CHRM5: variants seen among roughly 807,000 people sequenced by gnomAD.
CHRM5 encodes the protein muscarinic acetylcholine receptor M5.
A neutral mutation model predicts 39.0 loss-of-function variants in CHRM5; 18 were observed. The ratio of observed to expected loss-of-function variants is 0.46; its 90% CI spans 0.32 to 0.68. The LOEUF is 0.68. Ranked by LOEUF, CHRM5 falls within the 30% of genes least tolerant of loss-of-function variation. The pLI is 0.04. For synonymous variants in CHRM5, 241 were observed against 246.3 expected (o/e 0.98, Z 0.20); for missense variants, 515 against 651.1 (o/e 0.79, Z 2.28).
intron 1 of CHRM5, among the ~76,000 whole-genome samples, chr15:33,981,736 T>G (rs1896153522): frequency 6.6e-6 from 1 of 152,220 alleles, no homozygotes; most frequent in Admixed American, 6.5e-5. Flanking sequence ...ATTTATCTCA[T>G]CTATAAAATT....
At chr15:33,977,521 T>A (rs1309251948) in intron 1 of CHRM5, among the ~76,000 whole-genome samples, 1 of 152,178 alleles carries the variant, frequency 6.6e-6, no homozygotes. Flanking sequence ...GGGTGTTGTA[T>A]CCCAGCCTCG....
chr15:34,025,486 GT>G (rs1455093080), intron 1 of CHRM5, among the ~76,000 whole-genome samples: 1 of 152,174 alleles, frequency 6.6e-6, no homozygotes, highest in Non-Finnish European at 1.5e-5. Context: ...ACTCTCTTAA[GT>G]GTCCCTTCAT....
intron 1 of CHRM5, among the ~76,000 whole-genome samples, chr15:34,027,807 C>G (rs555005683): frequency 2.4e-5 from 3 of 126,602 alleles, no homozygotes; most frequent in Non-Finnish European, 4.8e-5. Flanking sequence ...CTACCTGAGG[C>G]AAGGATCAGG....
chr15:34,010,475 T>C (rs760499238), intron 1 of CHRM5, among the ~76,000 whole-genome samples: 4 of 152,198 alleles, frequency 2.6e-5, no homozygotes, highest in Non-Finnish European at 5.9e-5. Context: ...AAGCCTTTTA[T>C]GTTTAAGAAC....
chr15:33,990,397 G>T (rs1446685322), intron 1 of CHRM5, among the ~76,000 whole-genome samples: 1 of 151,772 alleles, frequency 6.6e-6, no homozygotes, highest in Non-Finnish European at 1.5e-5. Flanking sequence ...AAAAAGAAAA[G>T]AAAAGAATGT....
intron 1 of CHRM5, among the ~76,000 whole-genome samples, chr15:33,993,887 G>A (rs1016549511): frequency 6.6e-6 from 1 of 152,128 alleles, no homozygotes; most frequent in African/African-American, 2.4e-5. Flanking sequence ...TCATACTAAC[G>A]AATTCTGTGG....
rs563800920 is a variant in CHRM5 at position 34,066,584 on chromosome 15, T to G, written c.*2268T>G. 4.6e-5 allele frequency: 7 copies of G among 152,288 alleles called. No homozygotes were observed. The highest frequency in any genetic ancestry group is 1.4e-4 in the African/African-American group (6 of 41,546). 9.4% of individuals were successfully genotyped at this position (152,288 alleles called of 1,614,324 possible). On this transcript the variant is annotated 3_prime_UTR_variant, in exon 3 of 3. Transcript: ENST00000383263. ...CTTTGGGAGGCTGAGGCAAGAGGAC[T>G]GCTTGACCCTAGGGGCTCAAGACCA...
At chr15:34,061,542 T>C (rs1479914228) in intron 2 of CHRM5, among the ~76,000 whole-genome samples, 2 of 152,200 alleles carry the variant, frequency 1.3e-5, no homozygotes, top group African/African-American at 2.4e-5. Context: ...AGTATATGCA[T>C]ATGGGAAAAT....
At chr15:34,056,497 C>T (rs1263060400) in intron 2 of CHRM5, among the ~76,000 whole-genome samples, 1 of 152,218 alleles carries the variant, frequency 6.6e-6, no homozygotes, top group Non-Finnish European at 1.5e-5. Flanking sequence ...TGCAGAACCT[C>T]CCAGCTTTCA....
chr15:34,003,066 C>T (rs757024670), intron 1 of CHRM5: 72 of 1,613,808 alleles, frequency 4.5e-5, no homozygotes, highest in Non-Finnish European at 5.5e-5. Flanking sequence ...AATCTGTTCC[C>T]CTCTGTGACT....
At position 34,038,906 on chromosome 15, in the gene CHRM5, TCCGTCC is replaced by T. The variant is rs1458371098; in HGVS notation, c.-407-7630_-407-7625del. The T allele has an allele frequency of 3.6e-6, 4 of 1,116,458 alleles. No individual in the cohort carries two copies. In the African/African-American group the frequency reaches 7.2e-5, roughly 20 times the overall value. 69.2% of individuals were successfully genotyped at this position (1,116,458 alleles called of 1,614,324 possible). Reference sequence around the variant, plus strand: ...CACGGCCACGGCCCCGGCGTCCGCCTCCGTCCCCGCCGCCGCCTCCGCCGCCGCCTC... The same window carrying T: ...CACGGCCACGGCCCCGGCGTCCGCCTCCGCCGCCGCCTCCGCCGCCGCCTC... On this transcript the variant is annotated intron_variant, in intron 1 of 2. Transcript: ENST00000383263.
chr15:34,027,139 CA>C lies in CHRM5; in HGVS notation c.-407-19399del, dbSNP rs200932704. On this transcript the variant is annotated intron_variant, in intron 1 of 2. Transcript: ENST00000383263. ...AAGTAGCCAAAGACTCACAAAAGTC[CA>C]AGGAGTGTTTATTTAAAACAGCTAA... Among the ~76,000 whole-genome samples, 666 of 152,248 alleles carry C rather than the reference CA, an allele frequency of 4.4e-3. 8 individuals carry two copies. The highest frequency in any genetic ancestry group is 0.015 in the African/African-American group (638 of 41,540).
intron 1 of CHRM5, among the ~76,000 whole-genome samples, chr15:33,977,966 AAAGAG>A (rs1341504813): frequency 6.6e-6 from 1 of 150,584 alleles, no homozygotes. Context: ...AAAGAAAGAG[AAAGAG>A]AAAAGGAAAA....
intron 1 of CHRM5, among the ~76,000 whole-genome samples, chr15:34,003,861 CATGTT>C (rs1897231110): frequency 1.3e-5 from 2 of 152,146 alleles, no homozygotes; most frequent in Non-Finnish European, 2.9e-5. Context: ...GAAATAAATA[CATGTT>C]ATGACCAGAA....
At chr15:34,017,789 A>G (rs919911729) in intron 1 of CHRM5, among the ~76,000 whole-genome samples, 5 of 152,082 alleles carry the variant, frequency 3.3e-5, no homozygotes, top group African/African-American at 1.2e-4. Flanking sequence ...CAGTAAGCCT[A>G]AGGTTCTAAA....
At chr15:33,991,390 G>C (rs1315226177) in intron 1 of CHRM5, 1 of 152,072 alleles carries the variant, frequency 6.6e-6, no homozygotes, top group Non-Finnish European at 1.5e-5. Context: ...AAATGCTTGA[G>C]AGGATGGATA....
intron 1 of CHRM5, among the ~76,000 whole-genome samples, chr15:34,045,742 A>AC (rs34024840): frequency 0.98 from 148,811 of 152,250 alleles, 72,817 homozygotes; most frequent in East Asian, 1. Context: ...GCCTAACCTC[A>AC]CTTAGGAAAA....
At chr15:34,027,316 A>G (rs1017794093) in intron 1 of CHRM5, among the ~76,000 whole-genome samples, 1 of 152,144 alleles carries the variant, frequency 6.6e-6, no homozygotes, top group East Asian at 1.9e-4. Context: ...GGAGTTCAAA[A>G]CCAGCCTGGC....
At chr15:34,056,801 G>C (rs539204521) in intron 2 of CHRM5, among the ~76,000 whole-genome samples, 1 of 152,104 alleles carries the variant, frequency 6.6e-6, no homozygotes, top group Non-Finnish European at 1.5e-5. Flanking sequence ...CAGATCACTT[G>C]AGGCCAGGAG....
Sources: gnomAD v4.1 joint callset for allele counts (sites outside exome capture counted in the v4.1 genomes callset) on GRCh38, gnomAD v4.1.1 for gene constraint, MANE v1.5 for transcripts, NCBI Gene and HGNC (gene_info 2026-07-23, HGNC 2026-07-21) for gene names.